Variants in NELL2 observed in about 807,000 individuals in gnomAD.
NELL2 encodes neural EGFL like 2.
A neutral mutation model predicts 109.6 loss-of-function variants in NELL2; 41 were observed. That is an observed-to-expected ratio of 0.37 (90% confidence interval 0.29 to 0.49). The LOEUF (loss-of-function observed/expected upper bound fraction) is 0.49, where lower values mean the gene tolerates loss of function less well. NELL2 is among the 20% of genes least tolerant of loss of function. The pLI, the probability that NELL2 is intolerant of heterozygous loss-of-function variation, is 0.98. For missense variants in NELL2, 900 were observed against 1,008.3 expected (o/e 0.89, Z 1.45); for synonymous variants, 355 against 344.7 (o/e 1.03, Z -0.33).
intron 13 of NELL2, 107 bp from the exon 14 acceptor site, chr12:44,611,077 G>A: frequency 9.3e-7 from 1 of 1,073,276 alleles, no homozygotes; most frequent in South Asian, 1.5e-5. Flanking sequence ...TTCAACCACA[G>A]ACATAACAAA....
At chr12:44,630,720 A>C (rs1421844079) in intron 13 of NELL2, among the ~76,000 whole-genome samples, 1 of 152,168 alleles carries the variant, frequency 6.6e-6, no homozygotes, top group Non-Finnish European at 1.5e-5. Flanking sequence ...GAACAGTCAT[A>C]ATAATGAAGA....
intron 13 of NELL2, among the ~76,000 whole-genome samples, chr12:44,661,293 C>G (rs559560654): frequency 2.6e-5 from 4 of 152,348 alleles, no homozygotes; most frequent in Admixed American, 2.6e-4. Context: ...CAAGGTTAAA[C>G]ACAGCACTTG....
At chr12:44,636,473 T>C (rs981125785) in intron 13 of NELL2, among the ~76,000 whole-genome samples, 1 of 152,204 alleles carries the variant, frequency 6.6e-6, no homozygotes, top group Non-Finnish European at 1.5e-5. Context: ...ACGTGGTTTA[T>C]TGAGAGTTTT....
chr12:44,836,780 G>A (rs958347061), intron 2 of NELL2, among the ~76,000 whole-genome samples: 2 of 152,198 alleles, frequency 1.3e-5, no homozygotes, highest in African/African-American at 2.4e-5. Flanking sequence ...AAGTTTAGAT[G>A]AGTGTTTTGG....
chr12:44,621,700 T>C (rs553420240), intron 13 of NELL2, among the ~76,000 whole-genome samples: 2 of 152,106 alleles, frequency 1.3e-5, no homozygotes, highest in East Asian at 3.9e-4. Context: ...GCTCGAACTT[T>C]TTTTTTTAAC....
chr12:44,566,159 T>C (rs1943650277), intron 15 of NELL2, among the ~76,000 whole-genome samples: 1 of 152,134 alleles, frequency 6.6e-6, no homozygotes, highest in Admixed American at 6.6e-5. Context: ...AATTACAAAG[T>C]AATTCAAAAT....
chr12:44,775,624 T>C (rs1175999355), intron 8 of NELL2, among the ~76,000 whole-genome samples: 2 of 152,222 alleles, frequency 1.3e-5, no homozygotes, highest in Non-Finnish European at 2.9e-5. Context: ...AATTTGCTTA[T>C]ATTGCTCAAT....
chr12:44,569,181 G>A (rs939561662), intron 15 of NELL2, among the ~76,000 whole-genome samples: 5 of 152,210 alleles, frequency 3.3e-5, no homozygotes, highest in Admixed American at 3.3e-4. Flanking sequence ...ATGGCCTCCA[G>A]CTCCATTAAT....
At chr12:44,661,982 T>C (rs890341639) in intron 13 of NELL2, among the ~76,000 whole-genome samples, 2 of 152,120 alleles carry the variant, frequency 1.3e-5, no homozygotes, top group African/African-American at 4.8e-5. Flanking sequence ...TCCCTTGTGA[T>C]ACCCAGTATT....
chr12:44,642,833 G>A (rs1447781002), intron 13 of NELL2, among the ~76,000 whole-genome samples: 1 of 152,154 alleles, frequency 6.6e-6, no homozygotes, highest in Admixed American at 6.6e-5. Context: ...AGTGATCCGA[G>A]ATCACGCCAC....
chr12:44,608,198 G>A (rs1350576884), intron 14 of NELL2, among the ~76,000 whole-genome samples: 3 of 151,940 alleles, frequency 2.0e-5, no homozygotes, highest in Non-Finnish European at 2.9e-5. Context: ...GCTTGTTCCC[G>A]GCATTAAGAC....
rs770264871 is a variant in NELL2, at chr12:44,508,888, T to TG, written c.*45dup. On this transcript the variant is annotated 3_prime_UTR_variant, in exon 20 of 20. Transcript: ENST00000429094. Reference sequence around the variant, plus strand: ...TTTTAACTTCTTTTTGGTCTTTTAATGAAAGAACATTCTTTTAACAGAAAT... The same window carrying TG: ...TTTTAACTTCTTTTTGGTCTTTTAATGGAAAGAACATTCTTTTAACAGAAAT... 6.5e-6 allele frequency: 10 copies of TG among 1,545,232 alleles called. No individual in the cohort carries two copies. The Admixed American group carries it at 1.1e-4, about 17-fold the overall frequency.
chr12:44,765,751 T>A (rs746137464), intron 9 of NELL2, among the ~76,000 whole-genome samples: 17 of 152,202 alleles, frequency 1.1e-4, no homozygotes, highest in Non-Finnish European at 2.5e-4. Flanking sequence ...TAGTTAAATA[T>A]TTTTAAATTG....
intron 1 of NELL2, 27 bp from the exon 2 acceptor site, chr12:44,875,380 A>T: frequency 6.2e-7 from 1 of 1,614,066 alleles, no homozygotes; most frequent in Non-Finnish European, 8.5e-7. Flanking sequence ...GGTGGGAGAG[A>T]GAAAAAGGAA....
At chr12:44,553,986 A>G (rs930235658) in intron 15 of NELL2, among the ~76,000 whole-genome samples, 9 of 152,180 alleles carry the variant, frequency 5.9e-5, no homozygotes, top group Admixed American at 3.3e-4. Context: ...TTAGCCTCCA[A>G]TATGGTAGGA....
chr12:44,894,240 C>T (rs1026205385), intron 1 of NELL2, among the ~76,000 whole-genome samples: 7 of 152,130 alleles, frequency 4.6e-5, no homozygotes, highest in African/African-American at 7.2e-5. Flanking sequence ...AATAGTTGAG[C>T]TTGTTTTCCT....
chr12:44,757,267 T>A (rs999433348), intron 9 of NELL2, among the ~76,000 whole-genome samples: 17 of 152,302 alleles, frequency 1.1e-4, no homozygotes, highest in Admixed American at 6.5e-4. Flanking sequence ...AATGGACTAG[T>A]ATGAATGCCC....
intron 1 of NELL2, among the ~76,000 whole-genome samples, chr12:44,899,573 T>C (rs1945636032): frequency 6.6e-6 from 1 of 152,220 alleles, no homozygotes; most frequent in African/African-American, 2.4e-5. Flanking sequence ...TGAGAGATTT[T>C]GTCACCACCA....
At chr12:44,613,243 T>C (rs1592207206) in intron 13 of NELL2, among the ~76,000 whole-genome samples, 3 of 152,274 alleles carry the variant, frequency 2.0e-5, no homozygotes, top group South Asian at 2.1e-4. Flanking sequence ...TTCTCTTTTA[T>C]TGTAATTTTA....
Sources: gnomAD v4.1 joint callset for allele counts (sites outside exome capture counted in the v4.1 genomes callset) on GRCh38, gnomAD v4.1.1 for gene constraint, MANE v1.5 for transcripts, NCBI Gene and HGNC (gene_info 2026-07-23, HGNC 2026-07-21) for gene names.